The following USP9X variants were observed in gnomAD, a reference collection of about 807,000 sequenced individuals.
USP9X encodes ubiquitin carboxyl-terminal hydrolase 9X.
Under a neutral mutation model 190.3 loss-of-function variants are expected in USP9X, and 7 were observed. The ratio of observed to expected loss-of-function variants is 0.04; its 90% CI spans 0.02 to 0.07. The LOEUF (loss-of-function observed/expected upper bound fraction) is 0.07, where lower values mean the gene tolerates loss of function less well. Ranked by LOEUF, USP9X falls within the 10% of genes least tolerant of loss-of-function variation. The pLI, the probability that USP9X is intolerant of heterozygous loss-of-function variation, is 1.00. For synonymous variants in USP9X, 645 were observed against 659.5 expected (o/e 0.98, Z 0.34); for missense variants, 1,010 against 1,916.9 (o/e 0.53, Z 8.83).
chrX:41,138,119 G>A (rs1043900910), intron 6 of USP9X, among the ~76,000 whole-genome samples: 2 of 111,287 alleles, frequency 1.8e-5, no homozygotes, highest in Admixed American at 9.6e-5. Flanking sequence ...ATATAGTTGC[G>A]AATCAAGGAG....
At chrX:41,208,690 GTTTT>G (rs1420394005) in intron 32 of USP9X, among the ~76,000 whole-genome samples, 1 of 110,003 alleles carries the variant, frequency 9.1e-6, no homozygotes, top group Non-Finnish European at 1.9e-5. Flanking sequence ...TTTTTTTTAA[GTTTT>G]GTTTGTTTGT....
rs749242590 is a variant in USP9X at position 41,135,342 on chromosome X, A to G, written c.435+505A>G. The stretch of plus-strand genomic sequence containing the variant: ...AAAAAAAAAAGTGAAAATCTAAACC[A>G]CAAGCCAGTATTTAAACAGTTTCGT... On this transcript the variant is annotated intron_variant, in intron 5 of 44. Coordinates refer to ENST00000378308, the MANE Select transcript of USP9X (RefSeq NM_001039591.3). Among the ~76,000 whole-genome samples, 38 of 111,125 alleles carry G rather than the reference A, an allele frequency of 3.4e-4. No homozygotes were observed. In the South Asian group the frequency reaches 0.014, roughly 42 times the overall value.
At chrX:41,173,432 T>A (rs1460020312) in intron 21 of USP9X, among the ~76,000 whole-genome samples, 3 of 112,253 alleles carry the variant, frequency 2.7e-5, no homozygotes, top group African/African-American at 9.7e-5. Context: ...AAAAATTTTT[T>A]AAATGTATTT....
intron 1 of USP9X, among the ~76,000 whole-genome samples, chrX:41,088,906 GAGTT>G (rs1171850991): frequency 3.6e-5 from 4 of 111,674 alleles, no homozygotes; most frequent in African/African-American, 1.3e-4. Context: ...ATTTGGGAAA[GAGTT>G]AGTGCATTGG....
chrX:41,156,413 C>T (rs146689111), intron 14 of USP9X, among the ~76,000 whole-genome samples: 26 of 111,730 alleles, frequency 2.3e-4, no homozygotes, highest in South Asian at 7.5e-4. Flanking sequence ...CCTTTTCAGT[C>T]GTATGTGGCA....
intron 26 of USP9X, among the ~76,000 whole-genome samples, chrX:41,194,928 A>C (rs1029196186): frequency 8.9e-6 from 1 of 111,732 alleles, no homozygotes; most frequent in African/African-American, 3.3e-5. Context: ...AGTACATAAC[A>C]GTTTTTAAAA....
chrX:41,232,719 T>C lies in USP9X; in HGVS notation c.*195T>C. 2.3e-6 allele frequency: 1 copy of C among 440,083 alleles called. No individual in the cohort carries two copies. Among genetic ancestry groups the C allele is most frequent in the East Asian group, 4.2e-5 (1 of 23,697 alleles). The allele number at this position is 440,083 out of a possible 1,213,427, so 36.3% of individuals were successfully genotyped here. ...CGCCTGCAGTGGAAAGTGTATAGTGTTTTGTAATAAATGGCCTGATGCTAA... is the reference window on the plus strand; with the variant it reads ...CGCCTGCAGTGGAAAGTGTATAGTGCTTTGTAATAAATGGCCTGATGCTAA... On this transcript the variant is annotated 3_prime_UTR_variant, in exon 45 of 45. Coordinates refer to ENST00000378308, the MANE Select transcript of USP9X (RefSeq NM_001039591.3).
intron 2 of USP9X, among the ~76,000 whole-genome samples, chrX:41,124,602 C>G (rs2062220475): frequency 8.9e-6 from 1 of 111,810 alleles, no homozygotes; most frequent in Non-Finnish European, 1.9e-5. Flanking sequence ...AGGGGGAAAG[C>G]ATTAAATCAT....
intron 15 of USP9X, among the ~76,000 whole-genome samples, chrX:41,164,920 CCTTT>C (rs2147111283): frequency 9.0e-6 from 1 of 111,635 alleles, no homozygotes; most frequent in East Asian, 2.8e-4. Flanking sequence ...CCCGATTTTT[CCTTT>C]CTTTTTCCTC....
chrX:41,095,115 C>T (rs766141688), intron 1 of USP9X, among the ~76,000 whole-genome samples: 48 of 111,338 alleles, frequency 4.3e-4, no homozygotes, highest in African/African-American at 1.5e-3. Context: ...GATGCTCAAC[C>T]TGTGCCATTT....
Position 41,215,913 on chromosome X carries a change from G to A in USP9X, c.5346G>A (p.Lys1782=). 1 of 1,209,376 alleles carries A rather than the reference G, an allele frequency of 8.3e-7. No homozygotes were observed. The highest frequency in any genetic ancestry group is 1.1e-6 in the Non-Finnish European group (1 of 894,581). The change falls in exon 35 of 45, where the codon AAG becomes AAA. Residue 1782 remains lysine, a synonymous_variant. Transcript: ENST00000378308. ...EKCNKKVDTV[K]RLLIKKLPPV... is the part of the protein sequence containing the mutation. ...GTTTATTTTAGGTTGATACCGTAAA[G>A]CGCTTGCTGATTAAAAAATTACCTC...
At chrX:41,167,986 T>A (rs749792403) in intron 17 of USP9X, 21 bp from the exon 18 acceptor site, 2 of 1,179,190 alleles carry the variant, frequency 1.7e-6, no homozygotes, top group Non-Finnish European at 2.3e-6. Flanking sequence ...TAACTGTGTT[T>A]ATTTGGCCTG....
chrX:41,200,216 ATT>A (rs11322533), intron 30 of USP9X, among the ~76,000 whole-genome samples: 1 of 107,601 alleles, frequency 9.3e-6, no homozygotes, highest in South Asian at 4.0e-4. Context: ...GAATTCTTGT[ATT>A]TTTTTTTTAA....
intron 1 of USP9X, among the ~76,000 whole-genome samples, chrX:41,117,023 T>C (rs1261417864): frequency 9.0e-6 from 1 of 111,290 alleles, no homozygotes; most frequent in South Asian, 3.7e-4. Flanking sequence ...TGCAGCAGAG[T>C]ATGCTATGCT....
chrX:41,168,751 C>T (rs2062699518), intron 18 of USP9X, among the ~76,000 whole-genome samples: 1 of 112,079 alleles, frequency 8.9e-6, no homozygotes, highest in Non-Finnish European at 1.9e-5. Flanking sequence ...CTGCTTTGGC[C>T]TCCCAAAGTG....
At chrX:41,190,316 G>A (rs1310376359) in intron 26 of USP9X, among the ~76,000 whole-genome samples, 1 of 111,000 alleles carries the variant, frequency 9.0e-6, no homozygotes, top group African/African-American at 3.3e-5. Context: ...AGAGGATGTA[G>A]AGTCTGAAGT....
At chrX:41,227,007 C>T (rs916008689) in intron 41 of USP9X, among the ~76,000 whole-genome samples, 2 of 111,640 alleles carry the variant, frequency 1.8e-5, no homozygotes, top group Non-Finnish European at 3.8e-5. Context: ...TTAATCACAT[C>T]TTAGCTCTTG....
intron 1 of USP9X, among the ~76,000 whole-genome samples, chrX:41,117,983 G>A (rs1477422013): frequency 2.7e-5 from 3 of 110,991 alleles, no homozygotes; most frequent in African/African-American, 9.8e-5. Flanking sequence ...ACAGCCTTCC[G>A]AGTAGCTGGG....
At chrX:41,225,939 C>T (rs2063308514) in intron 41 of USP9X, among the ~76,000 whole-genome samples, 1 of 112,191 alleles carries the variant, frequency 8.9e-6, no homozygotes, top group South Asian at 3.6e-4. Flanking sequence ...GAAAATGTGG[C>T]ACTAAATACA....
Sources: allele counts gnomAD v4.1 joint callset (sites outside exome capture counted in the v4.1 genomes callset), GRCh38; gene constraint gnomAD v4.1.1; transcripts MANE v1.5; gene names NCBI Gene and HGNC (gene_info 2026-07-23, HGNC 2026-07-21).